The following DPYD variants were observed in gnomAD, a reference collection of about 807,000 sequenced individuals.
DPYD encodes dihydropyrimidine dehydrogenase.
DPYD carries 109 observed loss-of-function variants against 116.2 expected under a neutral mutation model. That is an observed-to-expected ratio of 0.94 (90% CI 0.80 to 1.10). The LOEUF (loss-of-function observed/expected upper bound fraction) is 1.10. DPYD is among the 50% of genes least tolerant of loss of function. The pLI, the probability that DPYD is intolerant of heterozygous loss-of-function variation, is 0.00. For synonymous variants in DPYD, 440 were observed against 432.0 expected, an observed-to-expected ratio of 1.02 and a Z score of -0.23; for missense variants, 1,302 against 1,254.5, an observed-to-expected ratio of 1.04 and a Z score of -0.57.
intron 14 of DPYD, among the ~76,000 whole-genome samples, chr1:97,387,018 A>G (rs1026879928): frequency 1.3e-5 from 2 of 152,164 alleles, no homozygotes; most frequent in Non-Finnish European, 2.9e-5. Context: ...AACATCATGC[A>G]ATGTTATTAG....
At chr1:97,217,053 C>CA (rs1660451699) in intron 19 of DPYD, among the ~76,000 whole-genome samples, 1 of 151,750 alleles carries the variant, frequency 6.6e-6, no homozygotes, top group South Asian at 2.1e-4. Context: ...ACTAAAAACA[C>CA]AAAAATTAGC....
At chr1:97,464,672 G>C (rs998840195) in intron 13 of DPYD, among the ~76,000 whole-genome samples, 3 of 152,166 alleles carry the variant, frequency 2.0e-5, no homozygotes, top group African/African-American at 7.2e-5. Context: ...TGAGCCTGCA[G>C]GTGCACAGAA....
intron 18 of DPYD, among the ~76,000 whole-genome samples, chr1:97,299,925 C>T (rs1666761474): frequency 6.6e-6 from 1 of 152,030 alleles, no homozygotes; most frequent in African/African-American, 2.4e-5. Flanking sequence ...GATTCTTTGT[C>T]AATCTGTACA....
At chr1:97,790,061 A>C (rs1176787135) in intron 3 of DPYD, among the ~76,000 whole-genome samples, 1 of 152,176 alleles carries the variant, frequency 6.6e-6, no homozygotes, top group Non-Finnish European at 1.5e-5. Context: ...GGAAGGAACA[A>C]GTCTAATGAG....
Position 97,086,045 on chromosome 1 carries a change from G to GTTGTT in DPYD, c.2767-3580_2767-3576dup, listed in dbSNP as rs539020913. ...TTGTTTGAGATAATTAAAAGTTGTC[G>GTTGTT]TTGTTTTGTTTTGTTTTGTTTTGTT... On this transcript the variant is annotated intron_variant, in intron 21 of 22. Transcript: ENST00000370192. Among the ~76,000 whole-genome samples, 311 of 151,954 alleles carry GTTGTT rather than the reference G, an allele frequency of 2.0e-3. 1 individual carries two copies. Among genetic ancestry groups the GTTGTT allele is most frequent in the Middle Eastern group, 0.01 (3 of 294 alleles).
At chr1:97,699,594 C>T (rs771727705) in intron 5 of DPYD, 47 bp from the exon 6 acceptor site, 2 of 1,538,592 alleles carry the variant, frequency 1.3e-6, no homozygotes, top group Non-Finnish European at 1.8e-6. Context: ...AACTAGCTTA[C>T]ATCCTCAAAC....
chr1:97,200,302 C>T (rs539783322), intron 19 of DPYD, among the ~76,000 whole-genome samples: 13 of 152,224 alleles, frequency 8.5e-5, no homozygotes, highest in African/African-American at 3.1e-4. Flanking sequence ...AAAATATATG[C>T]TTACAATTTA....
Position 97,193,247 on chromosome 1 carries a change from A to T in DPYD, c.2444T>A (p.Val815Glu). ...FLHSGASVLQ[V>E]CSAIQNQDFT... ...ATCCTGATTCTGAATGGCACTGCAT[A>T]CCTAGAAAAGACAGAGCAGTCAACC... The change falls in exon 20 of 23, where the codon GTA (valine) becomes GAA (glutamate). Residue 815 changes from valine (V) to glutamate (E), a missense_variant and splice_region_variant. Coordinates refer to ENST00000370192, the MANE Select transcript of DPYD (RefSeq NM_000110.4). 6.2e-7 allele frequency: 1 copy of T among 1,613,194 alleles called. No individual in the cohort carries two copies. Among genetic ancestry groups the T allele is most frequent in the Non-Finnish European group, 8.5e-7 (1 of 1,179,612 alleles).
intron 14 of DPYD, 63 bp downstream of exon 14, chr1:97,449,996 G>A (rs1676319699): frequency 1.9e-6 from 3 of 1,593,568 alleles, no homozygotes; most frequent in Middle Eastern, 1.7e-4. Context: ...TGAATTGGAT[G>A]TTTAAATAAA....
At chr1:97,273,544 A>T (rs902359965) in intron 18 of DPYD, among the ~76,000 whole-genome samples, 2 of 152,142 alleles carry the variant, frequency 1.3e-5, no homozygotes, top group African/African-American at 4.8e-5. Flanking sequence ...CATGGACTTT[A>T]AACAGTGTGG....
chr1:97,708,264 A>G (rs989128533), intron 5 of DPYD, among the ~76,000 whole-genome samples: 5 of 152,066 alleles, frequency 3.3e-5, no homozygotes, highest in South Asian at 2.1e-4. Context: ...TGTTATCTTC[A>G]AAGAGTTCTG....
chr1:97,434,155 A>G (rs1178718042), intron 14 of DPYD, among the ~76,000 whole-genome samples: 9 of 152,236 alleles, frequency 5.9e-5, no homozygotes, highest in Non-Finnish European at 1.5e-5. Flanking sequence ...TTTATTATGG[A>G]AAGATTAGTC....
At chr1:97,384,925 T>A (rs1672233514) in intron 14 of DPYD, among the ~76,000 whole-genome samples, 1 of 151,958 alleles carries the variant, frequency 6.6e-6, no homozygotes, top group African/African-American at 2.4e-5. Flanking sequence ...AGAAGGAAAA[T>A]TAAGCATGCC....
intron 16 of DPYD, among the ~76,000 whole-genome samples, chr1:97,316,301 C>A (rs146665730): frequency 6.6e-6 from 1 of 150,984 alleles, no homozygotes; most frequent in African/African-American, 2.4e-5. Flanking sequence ...ACCACCCTGG[C>A]CCACATGGCA....
At chr1:97,677,639 A>G (rs989000023) in intron 8 of DPYD, among the ~76,000 whole-genome samples, 3 of 152,192 alleles carry the variant, frequency 2.0e-5, no homozygotes, top group Non-Finnish European at 4.4e-5. Context: ...ATAATATTGT[A>G]ATTAAGATCA....
chr1:97,570,124 T>G (rs1652792937), intron 11 of DPYD, among the ~76,000 whole-genome samples: 1 of 152,036 alleles, frequency 6.6e-6, no homozygotes, highest in South Asian at 2.1e-4. Context: ...TTTTACATTC[T>G]CCATTGTGAA....
At position 97,542,352 on chromosome 1, in the gene DPYD, G is replaced by A. The variant is rs1650508316; in HGVS notation, c.1524+7208C>T. Among the ~76,000 whole-genome samples, 6 of 152,128 alleles carry A rather than the reference G, an allele frequency of 3.9e-5. No homozygotes were observed. In the South Asian group the frequency reaches 1.2e-3, roughly 31 times the overall value. ...GTACTCCCTCCTCTGTATAGAAGCA[G>A]AACAACAAAAGGTTTTATTGTTTGA... is the stretch of plus-strand genomic sequence containing the variant. On this transcript the variant is annotated intron_variant, in intron 12 of 22. Coordinates refer to ENST00000370192, the MANE Select transcript of DPYD (RefSeq NM_000110.4).
chr1:97,359,783 T>A (rs1184774499), intron 16 of DPYD, among the ~76,000 whole-genome samples: 1 of 152,188 alleles, frequency 6.6e-6, no homozygotes, highest in Non-Finnish European at 1.5e-5. Context: ...CCAGCAGGCC[T>A]GCCTTACAAG....
intron 10 of DPYD, among the ~76,000 whole-genome samples, chr1:97,581,235 G>A (rs1653642480): frequency 6.9e-6 from 1 of 145,712 alleles, no homozygotes; most frequent in Admixed American, 7.2e-5. Flanking sequence ...GCTGAGGCAG[G>A]AGAATGGCAT....
Sources: gnomAD v4.1 joint callset for allele counts (sites outside exome capture counted in the v4.1 genomes callset) on GRCh38, gnomAD v4.1.1 for gene constraint, MANE v1.5 for transcripts, NCBI Gene and HGNC (gene_info 2026-07-23, HGNC 2026-07-21) for gene names.